The following MITF variants were observed in gnomAD, a reference collection of about 807,000 sequenced individuals.
MITF encodes the protein melanocyte inducing transcription factor.
A neutral mutation model predicts 60.5 loss-of-function variants in MITF; 17 were observed. The observed-to-expected ratio is 0.28, with a 90% CI of 0.19 to 0.42. The LOEUF is 0.42. Ranked by LOEUF, MITF falls within the 10% of genes least tolerant of loss-of-function variation. The pLI is 1.00. For missense variants in MITF, 622 were observed against 683.5 expected, an observed-to-expected ratio of 0.91 and a Z score of 1.00; for synonymous variants, 260 against 248.5, an observed-to-expected ratio of 1.05 and a Z score of -0.43.
intron 7 of MITF, among the ~76,000 whole-genome samples, chr3:69,952,837 C>T (rs1576038374): frequency 6.6e-6 from 1 of 152,028 alleles, no homozygotes; most frequent in East Asian, 1.9e-4. Context: ...GTTTTGAAGA[C>T]CTTTTGCTGT....
chr3:69,939,654 A>G (rs970688000), intron 4 of MITF, among the ~76,000 whole-genome samples: 13 of 152,088 alleles, frequency 8.5e-5, no homozygotes, highest in African/African-American at 3.1e-4. Context: ...ACTACATCCT[A>G]TTTAATGGAT....
intron 1 of MITF, among the ~76,000 whole-genome samples, chr3:69,811,659 C>T (rs2063102330): frequency 6.6e-6 from 1 of 152,216 alleles, no homozygotes; most frequent in Non-Finnish European, 1.5e-5. Context: ...GCCAGATCTT[C>T]AGCTGGCAAA....
chr3:69,755,441 T>G lies in MITF; in HGVS notation c.104+15740T>G, dbSNP rs1448519603. ...ATCTTTTACCCTTCTGGGTTTTTTTTTTTTTTTTTTTTTTTTTTTTTTTTT... is the reference window on the plus strand; with the variant it reads ...ATCTTTTACCCTTCTGGGTTTTTTTGTTTTTTTTTTTTTTTTTTTTTTTTT... On this transcript the variant is annotated intron_variant, in intron 1 of 9. Coordinates refer to ENST00000352241, the MANE Select transcript of MITF (RefSeq NM_001354604.2). Among the ~76,000 whole-genome samples, 273 of 42,566 alleles carry G rather than the reference T, an allele frequency of 6.4e-3. 5 individuals are homozygous for G. The highest frequency in any genetic ancestry group is 0.024 in the East Asian group (42 of 1,758). 27.9% of individuals were successfully genotyped at this position (42,566 alleles called of 152,430 possible). A position where few individuals can be genotyped will look rare whatever the true frequency, so the allele number is the denominator to read the frequency against.
At chr3:69,938,598 A>G (rs1275146761) in intron 3 of MITF, 3 of 1,363,142 alleles carry the variant, frequency 2.2e-6, no homozygotes, top group Non-Finnish European at 2.8e-6. Flanking sequence ...TCTGTTTCAT[A>G]ATAAAATTGC....
intron 7 of MITF, among the ~76,000 whole-genome samples, chr3:69,953,954 C>A (rs1291654513): frequency 6.6e-6 from 1 of 152,032 alleles, no homozygotes; most frequent in Non-Finnish European, 1.5e-5. Context: ...GCTTGGGAGA[C>A]AATCTAGACA....
chr3:69,913,166 T>C (rs2065260154), intron 2 of MITF, among the ~76,000 whole-genome samples: 1 of 152,110 alleles, frequency 6.6e-6, no homozygotes, highest in South Asian at 2.1e-4. Flanking sequence ...TTTAATTCTA[T>C]TTGAATTAGC....
chr3:69,794,527 G>A (rs889644721), intron 1 of MITF, among the ~76,000 whole-genome samples: 3 of 152,100 alleles, frequency 2.0e-5, no homozygotes, highest in Non-Finnish European at 2.9e-5. Flanking sequence ...TAAGATGCTG[G>A]AGAACCAATT....
chr3:69,843,639 A>G (rs552069793), intron 1 of MITF, among the ~76,000 whole-genome samples: 1 of 152,192 alleles, frequency 6.6e-6, no homozygotes, highest in South Asian at 2.1e-4. Context: ...CTTCTACACA[A>G]CTTTGGGTTT....
At chr3:69,860,576 C>T (rs1400061697) in intron 1 of MITF, among the ~76,000 whole-genome samples, 1 of 124,230 alleles carries the variant, frequency 8.0e-6, no homozygotes, top group African/African-American at 3.1e-5. Context: ...CCCGCCTGGG[C>T]GACAGAACGA....
chr3:69,959,371 G>T lies in MITF; in HGVS notation c.1130G>T (p.Arg377Leu). 1 of 1,613,924 alleles carries T rather than the reference G, an allele frequency of 6.2e-7. No individual in the cohort carries two copies. Among genetic ancestry groups the T allele is most frequent in the Non-Finnish European group, 8.5e-7 (1 of 1,179,916 alleles). ...CAACGCGCAAAAGAACTTGAAAACC[G>T]ACAGAAGAAACTGGAGCACGCCAAC... The part of the protein sequence containing the change: ...EQQRAKELEN[R>L]QKKLEHANRH... Residue 377 changes from arginine to leucine, a missense_variant, in exon 9 of 10, where the codon CGA becomes CTA. Coordinates refer to ENST00000352241, the MANE Select transcript of MITF (RefSeq NM_001354604.2).
chr3:69,759,473 G>A (rs1042787774), intron 1 of MITF, among the ~76,000 whole-genome samples: 5 of 152,200 alleles, frequency 3.3e-5, no homozygotes, highest in Middle Eastern at 3.2e-3. Context: ...AATTGGTAAC[G>A]TGCATGTTGG....
chr3:69,829,488 GA>G (rs565181715), intron 1 of MITF, among the ~76,000 whole-genome samples: 17 of 152,062 alleles, frequency 1.1e-4, no homozygotes, highest in Non-Finnish European at 1.8e-4. Context: ...GATTGATTCA[GA>G]AAAAGTAATT....
intron 1 of MITF, among the ~76,000 whole-genome samples, chr3:69,750,383 CTTT>C (rs72318666): frequency 7.0e-5 from 8 of 113,896 alleles, no homozygotes; most frequent in Non-Finnish European, 1.4e-4. Context: ...TAGAGCTTTC[CTTT>C]TTTTTTTTTT....
intron 1 of MITF, among the ~76,000 whole-genome samples, chr3:69,785,674 T>C (rs2062637290): frequency 6.6e-6 from 1 of 152,228 alleles, no homozygotes; most frequent in Non-Finnish European, 1.5e-5. Context: ...ACCTGAAGAT[T>C]GTCTTTTCTT....
At chr3:69,819,615 C>CAACAAAACAAAACAA (rs56902121) in intron 1 of MITF, among the ~76,000 whole-genome samples, 1 of 150,504 alleles carries the variant, frequency 6.6e-6, no homozygotes, top group African/African-American at 2.4e-5. Flanking sequence ...AGAGTGAACT[C>CAACAAAACAAAACAA]AACAAAACAA....
At chr3:69,759,291 T>G (rs1028500329) in intron 1 of MITF, among the ~76,000 whole-genome samples, 2 of 152,202 alleles carry the variant, frequency 1.3e-5, no homozygotes, top group Non-Finnish European at 2.9e-5. Context: ...TTAGGAACAC[T>G]AGACAGCACT....
intron 2 of MITF, among the ~76,000 whole-genome samples, chr3:69,936,115 A>G (rs2107472480): frequency 6.6e-6 from 1 of 152,336 alleles, no homozygotes; most frequent in African/African-American, 2.4e-5. Context: ...TAAGGTGCAT[A>G]TTAAGACCAG....
intron 1 of MITF, among the ~76,000 whole-genome samples, chr3:69,749,264 T>G (rs957589899): frequency 1.3e-5 from 2 of 152,332 alleles, no homozygotes; most frequent in South Asian, 4.1e-4. Flanking sequence ...CACACAGATA[T>G]GTCATTGGTC....
At chr3:69,749,199 G>A (rs1365701282) in intron 1 of MITF, among the ~76,000 whole-genome samples, 20 of 152,186 alleles carry the variant, frequency 1.3e-4, no homozygotes, top group Admixed American at 1.3e-3. Context: ...CCTCTTGCCT[G>A]CAGTGTGTCC....
Sources: gnomAD v4.1 joint callset for allele counts (sites outside exome capture counted in the v4.1 genomes callset) on GRCh38, gnomAD v4.1.1 for gene constraint, MANE v1.5 for transcripts, NCBI Gene and HGNC (gene_info 2026-07-23, HGNC 2026-07-21) for gene names.